SOS2: variants seen among roughly 807,000 people sequenced by gnomAD.
SOS2 encodes son of sevenless homolog 2.
A neutral mutation model predicts 148.2 loss-of-function variants in SOS2; 65 were observed. The observed-to-expected ratio is 0.44, with a 90% CI of 0.36 to 0.54. The LOEUF (loss-of-function observed/expected upper bound fraction) is 0.54. Ranked by LOEUF, SOS2 falls within the 20% of genes least tolerant of loss-of-function variation. The probability of loss-of-function intolerance (pLI) is 0.00; values close to 1 mark genes in which losing one functional copy is unlikely to be tolerated. For synonymous variants in SOS2, 539 were observed against 537.1 expected, an observed-to-expected ratio of 1.00 and a Z score of -0.05; for missense variants, 1,341 against 1,590.2, an observed-to-expected ratio of 0.84 and a Z score of 2.67.
At chr14:50,149,664 T>C (rs1884601015) in intron 14 of SOS2, among the ~76,000 whole-genome samples, 1 of 152,174 alleles carries the variant, frequency 6.6e-6, no homozygotes, top group Non-Finnish European at 1.5e-5. Context: ...CACACAATAT[T>C]CTATTCACTT....
chr14:50,197,116 G>A (rs564163526), intron 4 of SOS2, among the ~76,000 whole-genome samples: 1 of 152,072 alleles, frequency 6.6e-6, no homozygotes. Flanking sequence ...GCCTCCCAAA[G>A]TGCTGGGATT....
chr14:50,148,066 C>G (rs1317525869), intron 14 of SOS2, among the ~76,000 whole-genome samples: 1 of 152,026 alleles, frequency 6.6e-6, no homozygotes. Context: ...TAAGTACTTG[C>G]TAACAGTTTC....
chr14:50,148,226 A>G (rs1185479334), intron 14 of SOS2, among the ~76,000 whole-genome samples: 1 of 151,912 alleles, frequency 6.6e-6, no homozygotes, highest in Non-Finnish European at 1.5e-5. Flanking sequence ...ACTGTGGCCA[A>G]CATGGTGAAA....
At chr14:50,132,842 G>A (rs552793337) in intron 19 of SOS2, among the ~76,000 whole-genome samples, 1 of 152,194 alleles carries the variant, frequency 6.6e-6, no homozygotes, top group East Asian at 1.9e-4. Flanking sequence ...CTTCACCAAG[G>A]AGACCTTCTC....
chr14:50,220,405 C>CGAAAAAA (rs779813155), intron 1 of SOS2, among the ~76,000 whole-genome samples: 1 of 30,446 alleles, frequency 3.3e-5, no homozygotes, highest in African/African-American at 1.4e-4. Flanking sequence ...GACTCCATCT[C>CGAAAAAA]AAAAAAAAAA....
chr14:50,175,180 C>T (rs961696017), intron 7 of SOS2, among the ~76,000 whole-genome samples: 2 of 152,184 alleles, frequency 1.3e-5, no homozygotes, highest in Non-Finnish European at 2.9e-5. Flanking sequence ...TGACATATTA[C>T]ATCAAGGTAT....
intron 18 of SOS2, among the ~76,000 whole-genome samples, chr14:50,134,483 A>G (rs1884008155): frequency 6.6e-6 from 1 of 152,202 alleles, no homozygotes; most frequent in Admixed American, 6.5e-5. Context: ...TATTAAGAAT[A>G]TGAGTTTTCA....
At chr14:50,205,721 C>A (rs1886637269) in intron 1 of SOS2, among the ~76,000 whole-genome samples, 1 of 152,036 alleles carries the variant, frequency 6.6e-6, no homozygotes, top group South Asian at 2.1e-4. Context: ...CACCTGAGGT[C>A]AGAAGTTTGA....
chr14:50,228,606 C>T (rs1173542470), intron 1 of SOS2, among the ~76,000 whole-genome samples: 5 of 152,098 alleles, frequency 3.3e-5, no homozygotes, highest in African/African-American at 4.8e-5. Flanking sequence ...CTGAAAATTA[C>T]GTTCTAACAG....
chr14:50,224,750 G>A (rs1021041226), intron 1 of SOS2, among the ~76,000 whole-genome samples: 2 of 151,942 alleles, frequency 1.3e-5, no homozygotes, highest in African/African-American at 4.8e-5. Context: ...GCTGGGTGTA[G>A]TGGCACATGC....
intron 18 of SOS2, among the ~76,000 whole-genome samples, chr14:50,138,399 G>A (rs1318013277): frequency 2.6e-5 from 4 of 151,974 alleles, no homozygotes; most frequent in Admixed American, 6.6e-5. Context: ...GATCTCAAGC[G>A]ATCCGCCCGC....
At position 50,140,773 on chromosome 14, in the gene SOS2, T is replaced by C. The variant is rs75766885; in HGVS notation, c.2668-714A>G. 2.6e-3 allele frequency among the ~76,000 whole-genome samples: 393 copies of C among 152,072 alleles called. 1 individual carries two copies. Among genetic ancestry groups the C allele is most frequent in the African/African-American group, 8.9e-3 (370 of 41,414 alleles). On this transcript the variant is annotated intron_variant, in intron 16 of 22. Coordinates refer to ENST00000216373, the MANE Select transcript of SOS2 (RefSeq NM_006939.4). ...AATGTCACTATTCACACAGAGGATATGACTGCCCATGAGGAAACTCCAATA... is the reference window on the plus strand; with the variant it reads ...AATGTCACTATTCACACAGAGGATACGACTGCCCATGAGGAAACTCCAATA...
intron 12 of SOS2, chr14:50,156,198 C>T (rs1216788468): frequency 6.6e-6 from 1 of 151,786 alleles, no homozygotes; most frequent in Non-Finnish European, 1.5e-5. Flanking sequence ...ACTTTGGTTA[C>T]TTGGACAGTA....
chr14:50,215,251 T>C (rs1280830476), intron 1 of SOS2: 8 of 448,164 alleles, frequency 1.8e-5, no homozygotes, highest in South Asian at 4.7e-5. Flanking sequence ...TCTGTGATTA[T>C]GATTTTGTTA....
rs149501826 is a variant in SOS2, at chr14:50,139,908, C to A, written c.2785+34G>T. ...TGCTCTCTTTTGGCTATCACACGCT[C>A]ACCCTCAAAATATATCCATATTTAG... On this transcript the variant is annotated intron_variant, in intron 17 of 22. Transcript: ENST00000216373. The A allele has an allele frequency of 4.3e-4, 456 of 1,063,018 alleles. No individual in the cohort carries two copies. In the East Asian group the frequency reaches 8.5e-3, roughly 20 times the overall value. 65.8% of individuals were successfully genotyped at this position (1,063,018 alleles called of 1,614,324 possible). A position where few individuals can be genotyped will look rare whatever the true frequency, so the allele number is the denominator to read the frequency against.
rs1350301628 is a variant in SOS2, at chr14:50,209,301, G to A, written c.88-4892C>T. Among the ~76,000 whole-genome samples, 2 of 151,224 alleles carry A rather than the reference G, an allele frequency of 1.3e-5. 1 individual carries two copies. The highest frequency in any genetic ancestry group is 4.9e-5 in the African/African-American group (2 of 41,200). On this transcript the variant is annotated intron_variant, in intron 1 of 22. Transcript: ENST00000216373. The stretch of plus-strand genomic sequence containing the variant: ...TGTGTGTGTGTGTGTGTGTGTGTGT[G>A]TGTGTGTGTGTGTGTGTGTGTCTCC...
At chr14:50,154,530 A>G (rs1884755490) in intron 12 of SOS2, among the ~76,000 whole-genome samples, 1 of 152,224 alleles carries the variant, frequency 6.6e-6, no homozygotes, top group Non-Finnish European at 1.5e-5. Context: ...GGTAAGATAA[A>G]GTTCATAGCG....
intron 4 of SOS2, among the ~76,000 whole-genome samples, chr14:50,190,341 T>TATTC (rs1212664692): frequency 6.6e-6 from 1 of 152,162 alleles, no homozygotes; most frequent in African/African-American, 2.4e-5. Context: ...CAATAACAGA[T>TATTC]ATTCATTCAT....
intron 1 of SOS2, among the ~76,000 whole-genome samples, chr14:50,209,999 G>A (rs1434155436): frequency 6.6e-6 from 1 of 152,082 alleles, no homozygotes; most frequent in African/African-American, 2.4e-5. Flanking sequence ...AGGTTGTTTT[G>A]CTAAAAATGC....
Sources: allele counts gnomAD v4.1 joint callset (sites outside exome capture counted in the v4.1 genomes callset), GRCh38; gene constraint gnomAD v4.1.1; transcripts MANE v1.5; gene names NCBI Gene and HGNC (gene_info 2026-07-23, HGNC 2026-07-21).